FSD1L: variants seen among roughly 807,000 people sequenced by gnomAD.
FSD1L encodes FSD1-like protein.
Under a neutral mutation model 71.6 loss-of-function variants are expected in FSD1L, and 45 were observed. The observed-to-expected ratio is 0.63, with a 90% CI of 0.49 to 0.81. FSD1L has a LOEUF of 0.81. Ranked by LOEUF, FSD1L falls within the 30% of genes least tolerant of loss-of-function variation. FSD1L has a pLI of 0.00. For synonymous variants in FSD1L, 197 were observed against 207.2 expected (o/e 0.95, Z 0.42); for missense variants, 561 against 618.1 (o/e 0.91, Z 0.98).
chr9:105,544,056 A>G (rs1272066838), intron 13 of FSD1L, among the ~76,000 whole-genome samples: 1 of 152,206 alleles, frequency 6.6e-6, no homozygotes, highest in Admixed American at 6.5e-5. Context: ...CCAACAGTGT[A>G]AAAGTGTTCC....
chr9:105,450,280 C>T (rs1588898490), intron 1 of FSD1L, among the ~76,000 whole-genome samples: 2 of 152,082 alleles, frequency 1.3e-5, no homozygotes, highest in African/African-American at 4.8e-5. Context: ...GGGGTAGTAC[C>T]TCAGTCAGTA....
At position 105,522,874 on chromosome 9, in the gene FSD1L, T is replaced by C. The variant is rs554972784; in HGVS notation, c.1025+9938T>C. The C allele has an allele frequency of 3.4e-5, 54 of 1,607,104 alleles. No individual in the cohort carries two copies. The African/African-American group carries it at 4.1e-4, about 12-fold the overall frequency. The stretch of plus-strand genomic sequence containing the variant: ...GAAATTCCCAAAGACCTCCCTGATA[T>C]TCTAAACAAGCAGAACCAGATGCGC... On this transcript the variant is annotated intron_variant, in intron 10 of 13. Coordinates refer to ENST00000481272, the MANE Select transcript of FSD1L (RefSeq NM_001145313.3).
chr9:105,473,099 G>A (rs1339417220), intron 5 of FSD1L: 4 of 152,128 alleles, frequency 2.6e-5, no homozygotes, highest in African/African-American at 7.2e-5. Context: ...GAGCCCAGGA[G>A]TTTGAGGCCA....
intron 13 of FSD1L, among the ~76,000 whole-genome samples, chr9:105,543,099 A>G (rs1192496258): frequency 6.6e-6 from 1 of 152,154 alleles, no homozygotes; most frequent in Non-Finnish European, 1.5e-5. Flanking sequence ...TTTGGGAGTT[A>G]TCATTACTGA....
intron 5 of FSD1L, among the ~76,000 whole-genome samples, chr9:105,477,786 ATACAGATTCCACAGAATTT>A: frequency 6.6e-6 from 1 of 152,304 alleles, no homozygotes; most frequent in Admixed American, 6.5e-5. Flanking sequence ...ATGACTTAAG[ATACAGATTCCACAGAATTT>A]GTTTGTTTGT....
At chr9:105,493,424 A>T (rs1387165217) in intron 7 of FSD1L, among the ~76,000 whole-genome samples, 3 of 152,082 alleles carry the variant, frequency 2.0e-5, no homozygotes, top group African/African-American at 7.2e-5. Flanking sequence ...TCCTGAATAC[A>T]GCACACTGAT....
chr9:105,537,764 T>A (rs1255289650), intron 12 of FSD1L, among the ~76,000 whole-genome samples: 2 of 152,096 alleles, frequency 1.3e-5, no homozygotes, highest in Non-Finnish European at 2.9e-5. Context: ...CGGGAAGCAG[T>A]CTTCAAGTGG....
chr9:105,450,569 T>C (rs1190352519), intron 1 of FSD1L, among the ~76,000 whole-genome samples: 2 of 151,748 alleles, frequency 1.3e-5, no homozygotes, highest in Non-Finnish European at 2.9e-5. Flanking sequence ...GTTTTGCTCT[T>C]GTCGCCCAGG....
Position 105,464,338 on chromosome 9 carries a change from T to C in FSD1L, c.207+7T>C, listed in dbSNP as rs41277771. On this transcript the variant is annotated splice_region_variant and intron_variant, in intron 3 of 13. Transcript: ENST00000481272. ...TACACTAAAAGGAGTTCAGGTATGA[T>C]TGTTTTATGAAAAATTTTGTGTAAA... is the stretch of plus-strand genomic sequence containing the variant. 50,718 of 1,364,760 alleles carry C rather than the reference T, an allele frequency of 0.037. 1,151 individuals carry two copies. The highest frequency in any genetic ancestry group is 0.042 in the Non-Finnish European group (41,775 of 1,005,036). The allele number at this position is 1,364,760 out of a possible 1,614,324, so 84.5% of individuals were successfully genotyped here.
Position 105,551,771 on chromosome 9 carries a change from T to C in FSD1L, c.*5288T>C, listed in dbSNP as rs1334334029. 6.6e-6 allele frequency: 1 copy of C among 152,222 alleles called. No individual in the cohort carries two copies. Among genetic ancestry groups the C allele is most frequent in the Non-Finnish European group, 1.5e-5 (1 of 68,028 alleles). The allele number at this position is 152,222 out of a possible 1,614,324, so 9.4% of individuals were successfully genotyped here. ...ACAGCATTGTTGTGTCAGTGTAGAA[T>C]AGTGGCATAAATAAATGAATTAAGC... On this transcript the variant is annotated 3_prime_UTR_variant, in exon 14 of 14. Transcript: ENST00000481272.
chr9:105,539,367 A>C lies in FSD1L; in HGVS notation c.1467+16A>C. On this transcript the variant is annotated intron_variant, in intron 13 of 13. Coordinates refer to ENST00000481272, the MANE Select transcript of FSD1L (RefSeq NM_001145313.3). The stretch of plus-strand genomic sequence containing the variant: ...TGGTTTCATGGTTAGTATGTTTTAT[A>C]TCTTATATATACCTAACATATTTTA... 1 of 1,137,530 alleles carries C rather than the reference A, an allele frequency of 8.8e-7. No homozygotes were observed. The highest frequency in any genetic ancestry group is 1.3e-6 in the Non-Finnish European group (1 of 798,830). 70.5% of individuals were successfully genotyped at this position (1,137,530 alleles called of 1,614,324 possible).
chr9:105,452,193 G>A (rs1008377009), intron 1 of FSD1L, among the ~76,000 whole-genome samples: 2 of 152,134 alleles, frequency 1.3e-5, no homozygotes, highest in African/African-American at 4.8e-5. Flanking sequence ...GCTATTCTTT[G>A]CCTTCATATT....
intron 7 of FSD1L, among the ~76,000 whole-genome samples, chr9:105,494,579 G>C (rs983569642): frequency 2.0e-5 from 3 of 152,104 alleles, no homozygotes; most frequent in African/African-American, 7.2e-5. Flanking sequence ...GAGGCGCTCT[G>C]GTTTTTAGAG....
chr9:105,464,045 T>G (rs1375422930), intron 2 of FSD1L, among the ~76,000 whole-genome samples, 191 bp from the exon 3 acceptor site: 1 of 152,200 alleles, frequency 6.6e-6, no homozygotes, highest in East Asian at 1.9e-4. Flanking sequence ...GAGGGCTTAA[T>G]ACAGTACAAA....
chr9:105,543,737 CCATGTCCCTACAAAGGA>C (rs1836786982), intron 13 of FSD1L, among the ~76,000 whole-genome samples: 1 of 152,162 alleles, frequency 6.6e-6, no homozygotes, highest in African/African-American at 2.4e-5. Flanking sequence ...CCAGCTTCAT[CCATGTCCCTACAAAGGA>C]CATGAACTCA....
intron 5 of FSD1L, among the ~76,000 whole-genome samples, chr9:105,478,081 A>G (rs1485781026): frequency 6.6e-6 from 1 of 152,124 alleles, no homozygotes; most frequent in African/African-American, 2.4e-5. Context: ...CGTCTCTAAT[A>G]AAAATACAAA....
In FSD1L at chr9:105,464,222, T is replaced by G. The variant is rs1168049068; in HGVS notation, c.112-14T>G. 1 of 1,360,270 alleles carries G rather than the reference T, an allele frequency of 7.4e-7. No individual in the cohort carries two copies. 84.3% of individuals were successfully genotyped at this position (1,360,270 alleles called of 1,614,324 possible). On this transcript the variant is annotated splice_polypyrimidine_tract_variant and intron_variant, in intron 2 of 13. Coordinates refer to ENST00000481272, the MANE Select transcript of FSD1L (RefSeq NM_001145313.3). ...CATTGAAATATAGTATTTTAATGCT[T>G]TTCTTAATTCTAGGAAGCTCTACAG... is the stretch of plus-strand genomic sequence containing the variant.
At chr9:105,455,859 G>T (rs1051690998) in intron 1 of FSD1L, among the ~76,000 whole-genome samples, 1 of 152,206 alleles carries the variant, frequency 6.6e-6, no homozygotes, top group Non-Finnish European at 1.5e-5. Context: ...TATAATAATA[G>T]TTTGACCCCC....
chr9:105,527,353 A>T (rs561489891), intron 10 of FSD1L, among the ~76,000 whole-genome samples: 1 of 152,140 alleles, frequency 6.6e-6, no homozygotes, highest in South Asian at 2.1e-4. Flanking sequence ...AAATTTTCTG[A>T]TATAAATATG....
Sources: allele counts gnomAD v4.1 joint callset (sites outside exome capture counted in the v4.1 genomes callset), GRCh38; gene constraint gnomAD v4.1.1; transcripts MANE v1.5; gene names NCBI Gene and HGNC (gene_info 2026-07-23, HGNC 2026-07-21).